Variants in RADIL observed in about 807,000 individuals in gnomAD.
RADIL encodes the protein Rap associating with DIL domain.
RADIL carries 99 observed loss-of-function variants against 97.6 expected under a neutral mutation model. That is an observed-to-expected ratio of 1.01 (90% confidence interval 0.86 to 1.20). RADIL has a LOEUF of 1.20. Ranked by LOEUF, RADIL falls within the 50% of genes most tolerant of loss-of-function variation. RADIL has a pLI of 0.00. For missense variants in RADIL, 1,765 were observed against 1,498.9 expected (o/e 1.18, Z -2.93); for synonymous variants, 803 against 691.8 (o/e 1.16, Z -2.52).
chr7:4,804,589 G>C (rs534110732), intron 10 of RADIL, among the ~76,000 whole-genome samples: 4 of 152,102 alleles, frequency 2.6e-5, no homozygotes, highest in East Asian at 1.9e-4. Flanking sequence ...GAATTCGAGA[G>C]CAGCCTGGCC....
rs1466517173 is a variant in RADIL at position 4,817,705 on chromosome 7, A to G, written c.1616-354T>C. 6.6e-6 allele frequency among the ~76,000 whole-genome samples: 1 copy of G among 152,006 alleles called. No individual in the cohort carries two copies. The highest frequency in any genetic ancestry group is 1.9e-4 in the East Asian group (1 of 5,184). ...CATAGCAGGTCCTAACTGCCTCCCC[A>G]CAGGTCACCTCTCACTCGCGACACG... On this transcript the variant is annotated intron_variant, in intron 6 of 14. Coordinates refer to ENST00000399583, the MANE Select transcript of RADIL (RefSeq NM_018059.5). This position sits in a 1 kb window ranked among gnomAD's most constrained non-coding sequence, Gnocchi z 8.3.
At chr7:4,865,476 T>C in intron 2 of RADIL, 1 of 773,328 alleles carries the variant, frequency 1.3e-6, no homozygotes, top group South Asian at 1.4e-5. Flanking sequence ...AATCTGGAAG[T>C]AATGTAATTC....
intron 2 of RADIL, among the ~76,000 whole-genome samples, chr7:4,870,360 T>C (rs1211496516): frequency 6.6e-6 from 1 of 152,242 alleles, no homozygotes. Flanking sequence ...CAGTATGATT[T>C]AAACAGATCC....
At position 4,818,968 on chromosome 7, in the gene RADIL, G is replaced by A. The variant is rs1307776798; in HGVS notation, c.1616-1617C>T. Among the ~76,000 whole-genome samples, 2 of 151,990 alleles carry A rather than the reference G, an allele frequency of 1.3e-5. No individual in the cohort carries two copies. Among genetic ancestry groups the A allele is most frequent in the Admixed American group, 6.6e-5 (1 of 15,264 alleles). On this transcript the variant is annotated intron_variant, in intron 6 of 14. Coordinates refer to ENST00000399583, the MANE Select transcript of RADIL (RefSeq NM_018059.5). The surrounding 1 kb of genome is among the most constrained non-coding windows in gnomAD (Gnocchi z 7.1). Reference sequence around the variant, plus strand: ...GGATCTCACTATGTTGCCCAGGCTGGTCTGGAACTCCAATCTACCCGCCTT... The same window carrying A: ...GGATCTCACTATGTTGCCCAGGCTGATCTGGAACTCCAATCTACCCGCCTT...
chr7:4,806,833 G>A (rs1376955955), intron 9 of RADIL, among the ~76,000 whole-genome samples: 2 of 152,202 alleles, frequency 1.3e-5, no homozygotes, highest in African/African-American at 4.8e-5. Flanking sequence ...TTCTGCAGGT[G>A]CTGTTTTGTC....
chr7:4,817,652 G>A lies in RADIL; in HGVS notation c.1616-301C>T, dbSNP rs933471583. ...TCATTCACTCCCACGTTCTGGATAC[G>A]TTTTCTGTTACAACCAACTGCACCC... On this transcript the variant is annotated intron_variant, in intron 6 of 14. Coordinates refer to ENST00000399583, the MANE Select transcript of RADIL (RefSeq NM_018059.5). The surrounding 1 kb of genome is among the most constrained non-coding windows in gnomAD (Gnocchi z 8.3). 2.6e-5 allele frequency among the ~76,000 whole-genome samples: 4 copies of A among 152,128 alleles called. No individual in the cohort carries two copies. Among genetic ancestry groups the A allele is most frequent in the Non-Finnish European group, 5.9e-5 (4 of 68,010 alleles).
chr7:4,846,123 CTTTTTTTTTTT>C (rs548251052), intron 2 of RADIL, among the ~76,000 whole-genome samples: 1 of 143,624 alleles, frequency 7.0e-6, no homozygotes, highest in African/African-American at 2.5e-5. Context: ...CTACAATCTT[CTTTTTTTTTTT>C]TTTTTTTTTT....
Position 4,800,304 on chromosome 7 carries a change from G to T in RADIL, c.2849C>A (p.Ser950Tyr), listed in dbSNP as rs1336355499. ...AGGGGACTCCTCCGCAAGGGCTGCA[G>T]AGTCTCCTGGGTGGGGGCCAGGAAA... ...GLRGAAPEGD[S>Y]AALAEESPPA... The change falls in exon 13 of 15, where the codon TCT becomes TAT. Residue 950 changes from serine to tyrosine, a missense_variant. Transcript: ENST00000399583. The T allele has an allele frequency of 6.8e-7, 1 of 1,470,204 alleles. No individual in the cohort carries two copies. Among genetic ancestry groups the T allele is most frequent in the Non-Finnish European group, 9.0e-7 (1 of 1,111,650 alleles). 91.1% of individuals were successfully genotyped at this position (1,470,204 alleles called of 1,614,324 possible). A position where few individuals can be genotyped will look rare whatever the true frequency, so the allele number is the denominator to read the frequency against.
In RADIL at chr7:4,801,932, C is replaced by G; in HGVS notation, c.2563G>C (p.Asp855His). The G allele has an allele frequency of 6.4e-7, 1 of 1,567,012 alleles. No homozygotes were observed. The highest frequency in any genetic ancestry group is 8.6e-7 in the Non-Finnish European group (1 of 1,158,558). Residue 855 changes from aspartate (D) to histidine (H), a missense_variant, in exon 12 of 15, where the codon GAC (aspartate) becomes CAC (histidine). Asp to His is a moderately conservative substitution (Grantham distance 81). Transcript: ENST00000399583. ...ACTTCCCGGGCTGCTGGGCCAGGGT[C>G]CCTGGGAGCCAGGGGGCAGCTCGGG... ...EAPSCPLAPRDPGPAAREVAP... is the reference protein window; with the variant it reads ...EAPSCPLAPRHPGPAAREVAP...
At chr7:4,832,639 T>TGAGGCAGGAGAATCCCTTGAACCTGG (rs1783177829) in intron 4 of RADIL, among the ~76,000 whole-genome samples, 3 of 148,344 alleles carry the variant, frequency 2.0e-5, no homozygotes, top group African/African-American at 5.0e-5. Flanking sequence ...TTTGGGAGGC[T>TGAGGCAGGAGAATCCCTTGAACCTGG]GAGGCAGGAG....
In RADIL at chr7:4,819,072, CTT is replaced by C. The variant is rs773747258; in HGVS notation, c.1616-1723_1616-1722del. ...ACTCCATTTCTCTCTCTCTCTCTCTCTTTTTTTTTTTTTTTTAAAGACAGAGT... is the reference window on the plus strand; with the variant it reads ...ACTCCATTTCTCTCTCTCTCTCTCTCTTTTTTTTTTTTTTAAAGACAGAGT... On this transcript the variant is annotated intron_variant, in intron 6 of 14. Transcript: ENST00000399583. This position sits in a 1 kb window ranked among gnomAD's most constrained non-coding sequence, Gnocchi z 5.8. Among the ~76,000 whole-genome samples, 70 of 133,266 alleles carry C rather than the reference CTT, an allele frequency of 5.3e-4. No homozygotes were observed. Among genetic ancestry groups the C allele is most frequent in the African/African-American group, 1.2e-3 (42 of 34,328 alleles). 87.4% of individuals were successfully genotyped at this position (133,266 alleles called of 152,430 possible).
At chr7:4,836,167 A>T (rs1243878549) in intron 3 of RADIL, among the ~76,000 whole-genome samples, 191 bp downstream of exon 3, 1 of 152,240 alleles carries the variant, frequency 6.6e-6, no homozygotes, top group Non-Finnish European at 1.5e-5. Flanking sequence ...CGTGGCCTGG[A>T]CAGGGAAAAT....
intron 2 of RADIL, among the ~76,000 whole-genome samples, chr7:4,863,530 C>G (rs1057281440): frequency 1.3e-5 from 2 of 152,180 alleles, no homozygotes; most frequent in African/African-American, 4.8e-5. Context: ...TGTTCTTGTA[C>G]ACTATAGAAT....
chr7:4,820,561 C>T (rs1274838441), intron 6 of RADIL, among the ~76,000 whole-genome samples: 1 of 152,188 alleles, frequency 6.6e-6, no homozygotes, highest in African/African-American at 2.4e-5. Flanking sequence ...AAGGCAGCCC[C>T]GATTCCCAGG....
At chr7:4,807,894 T>C (rs1442106597) in intron 9 of RADIL, among the ~76,000 whole-genome samples, 1 of 28,398 alleles carries the variant, frequency 3.5e-5, no homozygotes, top group Non-Finnish European at 6.2e-5. Context: ...CCCCTCCCTC[T>C]TCCCTCTTCT....
chr7:4,815,503 C>A lies in RADIL; in HGVS notation c.1967-53G>T. On this transcript the variant is annotated intron_variant, in intron 8 of 14. Transcript: ENST00000399583. The surrounding 1 kb of genome is among the most constrained non-coding windows in gnomAD (Gnocchi z 8.0). ...CCTGGGCTGCCCTCCTGGGGGGACA[C>A]AGACATGGGCCTGTCCCCAGAGCCT... 1 of 1,439,026 alleles carries A rather than the reference C, an allele frequency of 6.9e-7. No homozygotes were observed. The highest frequency in any genetic ancestry group is 9.2e-7 in the Non-Finnish European group (1 of 1,088,082). 89.1% of individuals were successfully genotyped at this position (1,439,026 alleles called of 1,614,324 possible). A position where few individuals can be genotyped will look rare whatever the true frequency, so the allele number is the denominator to read the frequency against.
At chr7:4,855,411 C>T (rs759374643) in intron 2 of RADIL, among the ~76,000 whole-genome samples, 1 of 151,988 alleles carries the variant, frequency 6.6e-6, no homozygotes, top group Non-Finnish European at 1.5e-5. Context: ...AGATGAAGTA[C>T]ATCAGTGTCC....
At chr7:4,869,464 T>C (rs10252203) in intron 2 of RADIL, among the ~76,000 whole-genome samples, 13,709 of 152,084 alleles carry the variant, frequency 0.09, 1,071 homozygotes, top group African/African-American at 0.21. Context: ...CTTTATGAAA[T>C]CTTTCATTTG....
intron 2 of RADIL, chr7:4,861,845 A>G (rs963990608): frequency 7.2e-7 from 1 of 1,390,758 alleles, no homozygotes; most frequent in South Asian, 1.7e-5. Flanking sequence ...CACGTCCCCC[A>G]CCACCGCGAC....
Sources: gnomAD v4.1 joint callset for allele counts (sites outside exome capture counted in the v4.1 genomes callset) on GRCh38, gnomAD v4.1.1 for gene constraint, Gnocchi (gnomAD v3.1) non-coding constraint, MANE v1.5 for transcripts, NCBI Gene and HGNC (gene_info 2026-07-23, HGNC 2026-07-21) for gene names.